WWOX: variants seen among roughly 807,000 people sequenced by gnomAD.
WWOX encodes the protein WW domain containing oxidoreductase.
Under a neutral mutation model 46.2 loss-of-function variants are expected in WWOX, and 69 were observed. That is an observed-to-expected ratio of 1.49 (90% CI 1.23 to 1.82). The LOEUF is 1.82. Among genes scored for constraint, WWOX ranks in the 40% most tolerant of loss-of-function variants. WWOX has a pLI of 0.00. For missense variants in WWOX, 919 were observed against 542.6 expected (o/e 1.69, Z -6.89); for synonymous variants, 359 against 202.6 (o/e 1.77, Z -6.56).
chr16:78,517,868 T>C (rs2151494328), intron 8 of WWOX, among the ~76,000 whole-genome samples: 1 of 150,138 alleles, frequency 6.7e-6, no homozygotes, highest in African/African-American at 2.4e-5. Flanking sequence ...TTTTTTTTTT[T>C]TTTTTTTTTT....
chr16:78,684,401 A>T (rs1482130009), intron 8 of WWOX, among the ~76,000 whole-genome samples: 1 of 152,166 alleles, frequency 6.6e-6, no homozygotes, highest in Non-Finnish European at 1.5e-5. Flanking sequence ...GGTAGGGATG[A>T]CTGGTTTTGC....
intron 8 of WWOX, among the ~76,000 whole-genome samples, chr16:78,519,075 G>A (rs1371899438): frequency 6.6e-6 from 1 of 152,196 alleles, no homozygotes; most frequent in East Asian, 1.9e-4. Flanking sequence ...GACAGCTATA[G>A]ATGGATGTAT....
At chr16:78,651,704 A>G (rs2046969746) in intron 8 of WWOX, among the ~76,000 whole-genome samples, 1 of 152,222 alleles carries the variant, frequency 6.6e-6, no homozygotes, top group African/African-American at 2.4e-5. Flanking sequence ...GCATCAGTAC[A>G]TAACTGAGGA....
intron 8 of WWOX, among the ~76,000 whole-genome samples, chr16:78,628,819 C>T (rs114345229): frequency 2.6e-5 from 4 of 152,146 alleles, no homozygotes; most frequent in Admixed American, 1.3e-4. Flanking sequence ...ACTAGCCAGG[C>T]GCTTCCCTTC....
At chr16:78,991,475 C>T (rs932411560) in intron 8 of WWOX, among the ~76,000 whole-genome samples, 1 of 151,958 alleles carries the variant, frequency 6.6e-6, no homozygotes, top group South Asian at 2.1e-4. Flanking sequence ...GTGGTGCACA[C>T]CTGTAGTCCC....
intron 8 of WWOX, among the ~76,000 whole-genome samples, chr16:79,025,390 A>G (rs1567495175): frequency 6.6e-6 from 1 of 152,222 alleles, no homozygotes; most frequent in Non-Finnish European, 1.5e-5. Flanking sequence ...TCAGTTGAGG[A>G]TCTCAAAACG....
At chr16:78,439,121 G>C (rs1023746259) in intron 8 of WWOX, among the ~76,000 whole-genome samples, 9 of 152,130 alleles carry the variant, frequency 5.9e-5, no homozygotes, top group Non-Finnish European at 1.3e-4. Context: ...ATGTGTATTG[G>C]TACATTGGTG....
chr16:78,532,291 C>T (rs1232000118), intron 8 of WWOX, among the ~76,000 whole-genome samples: 1 of 152,002 alleles, frequency 6.6e-6, no homozygotes, highest in Non-Finnish European at 1.5e-5. Context: ...TGGGGGGATG[C>T]CATTTTGGCA....
intron 8 of WWOX, among the ~76,000 whole-genome samples, chr16:78,508,310 CTTTTTTTTTTTTTTTTT>C (rs60281450): frequency 2.7e-5 from 3 of 112,788 alleles, no homozygotes; most frequent in Non-Finnish European, 3.3e-5. Flanking sequence ...TGCGCCCGGC[CTTTTTTTTTTTTTTTTT>C]TTTTTTTTTT....
At chr16:79,025,205 C>T (rs1199316920) in intron 8 of WWOX, among the ~76,000 whole-genome samples, 1 of 152,146 alleles carries the variant, frequency 6.6e-6, no homozygotes, top group African/African-American at 2.4e-5. Flanking sequence ...GACAATGTCA[C>T]TGAGGCTGGG....
intron 8 of WWOX, among the ~76,000 whole-genome samples, chr16:78,738,021 G>A (rs1482684818): frequency 7.9e-5 from 12 of 152,168 alleles, no homozygotes; most frequent in Admixed American, 6.5e-4. Flanking sequence ...GTCAGAGCCC[G>A]GTGGACTTCT....
intron 1 of WWOX, among the ~76,000 whole-genome samples, chr16:78,107,235 C>CT (rs1297929245): frequency 6.6e-6 from 1 of 152,152 alleles, no homozygotes; most frequent in Non-Finnish European, 1.5e-5. Flanking sequence ...GGCTGTTTCC[C>CT]TTTTGAAATA....
In WWOX at chr16:78,340,659, T is replaced by C. The variant is rs1307398734; in HGVS notation, c.517-46201T>C. Reference sequence around the variant, plus strand: ...AAGGATGATCTGGCTGGACTATTTTTTGGGAAAACCACTGTGTTTGAATGT... The same window carrying C: ...AAGGATGATCTGGCTGGACTATTTTCTGGGAAAACCACTGTGTTTGAATGT... On this transcript the variant is annotated intron_variant, in intron 5 of 8. Coordinates refer to ENST00000566780, the MANE Select transcript of WWOX (RefSeq NM_016373.4). Among the ~76,000 whole-genome samples, 5 of 120,326 alleles carry C rather than the reference T, an allele frequency of 4.2e-5. 2 individuals carry two copies. The highest frequency in any genetic ancestry group is 9.9e-5 in the Non-Finnish European group (5 of 50,458). 78.9% of individuals were successfully genotyped at this position (120,326 alleles called of 152,430 possible).
At chr16:78,494,455 G>A (rs2084860311) in intron 8 of WWOX, among the ~76,000 whole-genome samples, 1 of 147,642 alleles carries the variant, frequency 6.8e-6, no homozygotes, top group Non-Finnish European at 1.5e-5. Flanking sequence ...CATTTTGGAT[G>A]GTTTAATAAA....
intron 8 of WWOX, among the ~76,000 whole-genome samples, chr16:79,024,361 A>G (rs1358432937): frequency 2.6e-5 from 4 of 152,144 alleles, no homozygotes; most frequent in African/African-American, 4.8e-5. Context: ...TAAGGTGAAG[A>G]GACCCTCCCA....
At chr16:78,915,946 A>T (rs556875104) in intron 8 of WWOX, among the ~76,000 whole-genome samples, 3 of 152,336 alleles carry the variant, frequency 2.0e-5, no homozygotes, top group South Asian at 4.1e-4. Context: ...AGCTCAATCA[A>T]TGCCCAGAAA....
At chr16:78,960,032 C>T (rs1451377612) in intron 8 of WWOX, among the ~76,000 whole-genome samples, 2 of 152,146 alleles carry the variant, frequency 1.3e-5, no homozygotes, top group Non-Finnish European at 2.9e-5. Context: ...TTAGGTCTAC[C>T]AGTTAGTGGG....
At chr16:78,533,722 C>T (rs2043687651) in intron 8 of WWOX, among the ~76,000 whole-genome samples, 1 of 152,184 alleles carries the variant, frequency 6.6e-6, no homozygotes, top group South Asian at 2.1e-4. Context: ...CAGGTCTGAG[C>T]AGAAATGTTA....
In WWOX at chr16:78,432,488, A is replaced by G. The variant is rs1484255151; in HGVS notation, c.792A>G (p.Arg264=). The G allele has an allele frequency of 5.6e-6, 9 of 1,612,526 alleles. No individual in the cohort carries two copies. The highest frequency in any genetic ancestry group is 2.2e-5 in the South Asian group (2 of 91,044). ...TCATGTCATATTTCCTATTTTTAAG[A>G]TTTACAGATATTAACGACTCCTTGG... ...RVIVVSSESH[R]FTDINDSLGK... is the part of the protein sequence containing the mutation. Residue 264 remains arginine, a splice_region_variant and synonymous_variant, in exon 8 of 9, where the codon CGA becomes CGG. Transcript: ENST00000566780.
Sources: gnomAD v4.1 joint callset for allele counts (sites outside exome capture counted in the v4.1 genomes callset) on GRCh38, gnomAD v4.1.1 for gene constraint, MANE v1.5 for transcripts, NCBI Gene and HGNC (gene_info 2026-07-23, HGNC 2026-07-21) for gene names.